MYBBP1A: variants seen among roughly 807,000 people sequenced by gnomAD.
The protein encoded by MYBBP1A is myb-binding protein 1A.
In MYBBP1A, 147 loss-of-function variants were observed where a neutral mutation model predicts 136.3. That is an observed-to-expected ratio of 1.08 (90% CI 0.94 to 1.24). The LOEUF is 1.24. Ranked by LOEUF, MYBBP1A falls within the 50% of genes most tolerant of loss-of-function variation. The probability of loss-of-function intolerance (pLI) is 0.00; values close to 1 mark genes in which losing one functional copy is unlikely to be tolerated. For missense variants in MYBBP1A, 2,060 were observed against 1,727.4 expected (o/e 1.19, Z -3.41); for synonymous variants, 947 against 735.8 (o/e 1.29, Z -4.65).
In MYBBP1A at chr17:4,553,932, G is replaced by A; in HGVS notation, c.454-15C>T. 1.2e-6 allele frequency: 2 copies of A among 1,613,958 alleles called. No homozygotes were observed. Among genetic ancestry groups the A allele is most frequent in the Non-Finnish European group, 1.7e-6 (2 of 1,179,962 alleles). ...GCCTCCTGGTCCTGGTCCCCACAGA[G>A]GGACAGAGGGTATGAGCAGGGCACA... On this transcript the variant is annotated splice_polypyrimidine_tract_variant and intron_variant, in intron 4 of 25. Coordinates refer to ENST00000254718, the MANE Select transcript of MYBBP1A (RefSeq NM_014520.4).
In MYBBP1A at chr17:4,553,827, C is replaced by T. The variant is rs765135961; in HGVS notation, c.544G>A (p.Val182Met). The T allele has an allele frequency of 1.9e-6, 3 of 1,613,998 alleles. No individual in the cohort carries two copies. The highest frequency in any genetic ancestry group is 3.3e-5 in the Admixed American group (2 of 60,022). The change falls in exon 5 of 26, where the codon GTG becomes ATG. Residue 182 changes from valine (V) to methionine (M), a missense_variant. Coordinates refer to ENST00000254718, the MANE Select transcript of MYBBP1A (RefSeq NM_014520.4). ...GCTCATACCTCGGAGAGGATGTCCA[C>T]CAGGGCCTTCCGGGGCTGCTCCTGC... The part of the protein sequence containing the change: ...HLQEQPRKAL[V>M]DILSEVSKAT...
intron 22 of MYBBP1A, chr17:4,542,208 G>A (rs966592601): frequency 2.7e-5 from 16 of 585,636 alleles, no homozygotes; most frequent in Non-Finnish European, 4.8e-5. Flanking sequence ...CCTGTGTGTG[G>A]CCAGATGGGC....
Position 4,555,366 on chromosome 17 carries a change from C to T in MYBBP1A, c.-42G>A, listed in dbSNP as rs1259977114. The T allele has an allele frequency of 3.2e-6, 5 of 1,558,058 alleles. No homozygotes were observed. Among genetic ancestry groups the T allele is most frequent in the Non-Finnish European group, 4.3e-6 (5 of 1,150,734 alleles). On this transcript the variant is annotated 5_prime_UTR_variant, in exon 1 of 26. Transcript: ENST00000254718. ...GAAACACGAAACACGTGTGCTCCGG[C>T]CCCAGCCGCTTCCAGGTCAGGGCAC...
At position 4,548,760 on chromosome 17, in the gene MYBBP1A, C is replaced by G; in HGVS notation, c.1431-111G>C. The G allele has an allele frequency of 6.8e-7, 1 of 1,462,428 alleles. No homozygotes were observed. The highest frequency in any genetic ancestry group is 9.3e-7 in the Non-Finnish European group (1 of 1,073,604). 90.6% of individuals were successfully genotyped at this position (1,462,428 alleles called of 1,614,324 possible). ...CAAGGCCAGGAGGAGGAGGAGCCGC[C>G]CTTCTGCCCTGGGTACAGTCCTCGG... On this transcript the variant is annotated intron_variant, in intron 10 of 25. Transcript: ENST00000254718. The surrounding 1 kb of genome is among the most constrained non-coding windows in gnomAD (Gnocchi z 4.2).
chr17:4,547,870 C>T, intron 13 of MYBBP1A, 88 bp downstream of exon 13: 1 of 1,177,572 alleles, frequency 8.5e-7, no homozygotes, highest in Non-Finnish European at 1.1e-6. Flanking sequence ...TCCTGGAAAC[C>T]CGCACAGCCC....
intron 24 of MYBBP1A, 39 bp downstream of exon 24, chr17:4,541,424 G>A (rs148290326): frequency 0.045 from 70,495 of 1,580,572 alleles, 1,862 homozygotes; most frequent in Non-Finnish European, 0.053. Flanking sequence ...GCCCCCAAGA[G>A]GAACCCGAAC....
rs942803076 is a variant in MYBBP1A, at chr17:4,541,657, T to C, written c.3196-93A>G. On this transcript the variant is annotated intron_variant, in intron 23 of 25. Transcript: ENST00000254718. ...AAGTAAAGCCCAGAGGCAGGGACCG[T>C]CTCCTGGGACAACCCCAGTTCTCCC... The C allele has an allele frequency of 2.0e-6, 3 of 1,464,640 alleles. No homozygotes were observed. In the African/African-American group the frequency reaches 4.2e-5, roughly 20 times the overall value. The allele number at this position is 1,464,640 out of a possible 1,614,324, so 90.7% of individuals were successfully genotyped here. A position where few individuals can be genotyped will look rare whatever the true frequency, so the allele number is the denominator to read the frequency against.
At position 4,541,455 on chromosome 17, in the gene MYBBP1A, C is replaced by A. The variant is rs745926189; in HGVS notation, c.3297+8G>T. On this transcript the variant is annotated splice_region_variant and intron_variant, in intron 24 of 25. Transcript: ENST00000254718. ...CGAACACGACCGCGGACTGGGCCCC[C>A]GCCTCACCTCATGTTTGCAGGTCCT... is the stretch of plus-strand genomic sequence containing the variant. 2 of 1,611,740 alleles carry A rather than the reference C, an allele frequency of 1.2e-6. No homozygotes were observed. Among genetic ancestry groups the A allele is most frequent in the Non-Finnish European group, 1.7e-6 (2 of 1,179,374 alleles).
intron 1 of MYBBP1A, 51 bp downstream of exon 1, chr17:4,555,076 G>A: frequency 1.9e-6 from 3 of 1,566,554 alleles, no homozygotes; most frequent in African/African-American, 2.7e-5. Context: ...GCCCGCCGCC[G>A]CTTCCTTGCC....
rs752053834 is a variant in MYBBP1A, at chr17:4,545,088, C to T, written c.2248G>A (p.Gly750Arg). Residue 750 changes from glycine (G) to arginine (R), a missense_variant, in exon 17 of 26, where the codon GGG (glycine) becomes AGG (arginine). Physicochemically the swap from Gly to Arg is moderately radical, Grantham distance 125 (BLOSUM62 -2). Coordinates refer to ENST00000254718, the MANE Select transcript of MYBBP1A (RefSeq NM_014520.4). ...GEESEEEERD[G>R]DVDQGFREQL... ...TCCCGGAAGCCCTGATCCACGTCCC[C>T]GTCGCGCTCCTCCTCCTCGCTCTCC... is the stretch of plus-strand genomic sequence containing the variant. 2.3e-5 allele frequency: 37 copies of T among 1,585,534 alleles called. No homozygotes were observed. The highest frequency in any genetic ancestry group is 3.4e-5 in the South Asian group (3 of 87,994).
chr17:4,549,519 G>A, intron 9 of MYBBP1A, 77 bp from the exon 10 acceptor site: 2 of 1,327,688 alleles, frequency 1.5e-6, no homozygotes, highest in Non-Finnish European at 2.1e-6. Context: ...GCTCACACCT[G>A]TAATCCCAGC....
At chr17:4,540,165 G>A (rs1056135983) in intron 25 of MYBBP1A, among the ~76,000 whole-genome samples, 183 bp downstream of exon 25, 2 of 129,674 alleles carry the variant, frequency 1.5e-5, no homozygotes, top group Non-Finnish European at 3.1e-5. Flanking sequence ...AGGCTCCTGC[G>A]AGGGTCCTGT....
At chr17:4,554,754 C>T in intron 2 of MYBBP1A, 107 bp downstream of exon 2, 1 of 1,089,656 alleles carries the variant, frequency 9.2e-7, no homozygotes, top group Non-Finnish European at 1.3e-6. Flanking sequence ...CTCCCGACCT[C>T]TCTCTCGGGC....
At chr17:4,549,138 G>A (rs1907278004) in intron 10 of MYBBP1A, among the ~76,000 whole-genome samples, 194 bp downstream of exon 10, 1 of 152,226 alleles carries the variant, frequency 6.6e-6, no homozygotes, top group South Asian at 2.1e-4. Flanking sequence ...TTAGGCCCCT[G>A]CAGCTGGGGT....
At chr17:4,554,463 C>T (rs1468499541) in intron 2 of MYBBP1A, among the ~76,000 whole-genome samples, 185 bp from the exon 3 acceptor site, 2 of 152,170 alleles carry the variant, frequency 1.3e-5, no homozygotes, top group East Asian at 3.9e-4. Flanking sequence ...ACTGGGTCTT[C>T]TCTCCGCACG....
At position 4,542,937 on chromosome 17, in the gene MYBBP1A, G is replaced by A. The variant is rs371367257; in HGVS notation, c.2868C>T (p.Pro956=). Residue 956 remains proline, a synonymous_variant, in exon 20 of 26, where the codon CCC becomes CCT. Coordinates refer to ENST00000254718, the MANE Select transcript of MYBBP1A (RefSeq NM_014520.4). The part of the protein sequence containing the change: ...TQEKQKAGTD[P]SHMPTGPQAA... ...CCTGCGGGCCCGTGGGCATGTGGCT[G>A]GGGTCAGTGCCAGCTTTCTGCTTCT... 6 of 1,613,892 alleles carry A rather than the reference G, an allele frequency of 3.7e-6. No individual in the cohort carries two copies. The highest frequency in any genetic ancestry group is 1.7e-5 in the Admixed American group (1 of 60,008).
intron 15 of MYBBP1A, 85 bp downstream of exon 15, chr17:4,545,525 G>A: frequency 6.6e-7 from 1 of 1,517,448 alleles, no homozygotes; most frequent in Non-Finnish European, 8.8e-7. Flanking sequence ...CGGCAGGGAG[G>A]CTGGAGGCTG....
In MYBBP1A at chr17:4,542,968, G is replaced by A. The variant is rs949524957; in HGVS notation, c.2837C>T (p.Thr946Ile). Reference sequence around the variant, plus strand: ...AGTGCCAGCTTTCTGCTTCTCCTGTGTCTCATGCACGCAGCCCTCAGCAGT... The same window carrying A: ...AGTGCCAGCTTTCTGCTTCTCCTGTATCTCATGCACGCAGCCCTCAGCAGT... The part of the protein sequence containing the change: ...GNTAEGCVHE[T>I]QEKQKAGTDP... The change falls in exon 20 of 26, where the codon ACA becomes ATA. Residue 946 changes from threonine to isoleucine, a missense_variant. Coordinates refer to ENST00000254718, the MANE Select transcript of MYBBP1A (RefSeq NM_014520.4). 3 of 1,613,948 alleles carry A rather than the reference G, an allele frequency of 1.9e-6. No homozygotes were observed. The highest frequency in any genetic ancestry group is 2.7e-5 in the African/African-American group (2 of 74,920).
rs762825534 is a variant in MYBBP1A at position 4,554,015 on chromosome 17, T to C, written c.453+4A>G. ...CATTCCCCCAGTCCCTCCAAAGCTC[T>C]TACCTTCACCAGCCGACCTGACTGA... On this transcript the variant is annotated splice_donor_region_variant and intron_variant, in intron 4 of 25. Coordinates refer to ENST00000254718, the MANE Select transcript of MYBBP1A (RefSeq NM_014520.4). 6.2e-7 allele frequency: 1 copy of C among 1,613,990 alleles called. No individual in the cohort carries two copies. The highest frequency in any genetic ancestry group is 1.1e-5 in the South Asian group (1 of 91,080).
Sources: allele counts gnomAD v4.1 joint callset (sites outside exome capture counted in the v4.1 genomes callset), GRCh38; gene constraint gnomAD v4.1.1; non-coding constraint Gnocchi (gnomAD v3.1); transcripts MANE v1.5; gene names NCBI Gene and HGNC (gene_info 2026-07-23, HGNC 2026-07-21).